SAMD14: variants seen among roughly 807,000 people sequenced by gnomAD.
SAMD14 encodes sterile alpha motif domain containing 14.
SAMD14 carries 27 observed loss-of-function variants against 46.2 expected under a neutral mutation model. The ratio of observed to expected loss-of-function variants is 0.58; its 90% CI spans 0.43 to 0.81. SAMD14 has a LOEUF of 0.81. Among genes scored for constraint, SAMD14 ranks in the 30% least tolerant of loss-of-function variants. The pLI is 0.00. For synonymous variants in SAMD14, 241 were observed against 254.3 expected (o/e 0.95, Z 0.50); for missense variants, 559 against 582.2 (o/e 0.96, Z 0.41).
intron 9 of SAMD14, chr17:50,113,622 A>G (rs561075043): frequency 9.5e-6 from 4 of 419,860 alleles, no homozygotes; most frequent in Non-Finnish European, 8.8e-6. Context: ...CAGGACACTC[A>G]TATGCATCAA....
intron 8 of SAMD14, 33 bp from the exon 9 acceptor site, chr17:50,114,112 C>A: frequency 6.2e-7 from 1 of 1,613,750 alleles, no homozygotes; most frequent in Non-Finnish European, 8.5e-7. Context: ...GAGGGGGAGG[C>A]TTGGCCTGTG....
chr17:50,127,959 G>T (rs1247469401), intron 1 of SAMD14, among the ~76,000 whole-genome samples: 1 of 152,140 alleles, frequency 6.6e-6, no homozygotes, highest in African/African-American at 2.4e-5. Flanking sequence ...ACTGGGAAAT[G>T]GGGAATTCTT....
At chr17:50,117,981 T>A in intron 3 of SAMD14, 180 bp downstream of exon 3, 1 of 733,868 alleles carries the variant, frequency 1.4e-6, no homozygotes, top group Non-Finnish European at 2.1e-6. Flanking sequence ...GCTAATAATA[T>A]CTTCTTTACA....
chr17:50,114,177 C>T lies in SAMD14; in HGVS notation c.942+10G>A. The T allele has an allele frequency of 6.2e-7, 1 of 1,614,128 alleles. No individual in the cohort carries two copies. The highest frequency in any genetic ancestry group is 8.5e-7 in the Non-Finnish European group (1 of 1,180,034). On this transcript the variant is annotated intron_variant, in intron 8 of 9. Transcript: ENST00000330175. ...GGACTCCGTGGGCACCCTGGGCCAG[C>T]CTTGCTCACCTCATCTGAAGACTGA... is the stretch of plus-strand genomic sequence containing the variant.
In SAMD14 at chr17:50,112,936, C is replaced by T. The variant is rs747590081; in HGVS notation, c.1211G>A (p.Arg404Gln). The change falls in exon 10 of 10, where the codon CGG (arginine) becomes CAG (glutamine). Residue 404 changes from arginine (R) to glutamine (Q), a missense_variant. Coordinates refer to ENST00000330175, the MANE Select transcript of SAMD14 (RefSeq NM_001257359.2). ...RKAQEKAARQ[R>Q]EKLRRREQEA... is the part of the protein sequence containing the mutation. ...CTGCTCTCGGCGCCGGAGCTTCTCCCGCTGCCGCGCAGCCTTCTCCTGGGC... is the reference window on the plus strand; with the variant it reads ...CTGCTCTCGGCGCCGGAGCTTCTCCTGCTGCCGCGCAGCCTTCTCCTGGGC... 41 of 1,608,882 alleles carry T rather than the reference C, an allele frequency of 2.5e-5. No homozygotes were observed. The highest frequency in any genetic ancestry group is 6.7e-5 in the East Asian group (3 of 44,886).
In SAMD14 at chr17:50,115,248, C is replaced by T. The variant is rs2144395045; in HGVS notation, c.822+316G>A. On this transcript the variant is annotated intron_variant, in intron 7 of 9. Transcript: ENST00000330175. This position sits in a 1 kb window ranked among gnomAD's most constrained non-coding sequence, Gnocchi z 5.3. ...TCCTCACACAGGAGTGGGGTTAGAA[C>T]TTAACCAGGCAGAAGAGTTAGCAGG... 6.6e-6 allele frequency among the ~76,000 whole-genome samples: 1 copy of T among 152,278 alleles called. No homozygotes were observed. The highest frequency in any genetic ancestry group is 1.5e-5 in the Non-Finnish European group (1 of 68,026).
intron 2 of SAMD14, chr17:50,124,118 G>A (rs748367614): frequency 4.6e-5 from 21 of 456,058 alleles, no homozygotes; most frequent in Non-Finnish European, 6.2e-5. Context: ...CTTTGCTCAG[G>A]ACTCCTCCTG....
chr17:50,129,365 C>T lies in SAMD14; in HGVS notation c.-13+152G>A, dbSNP rs1411782979. ...CTATCTCCGCCCCCTCCCCTGACAG[C>T]CCGGCACCCCAGCCCCGTGCGGTCC... On this transcript the variant is annotated intron_variant, in intron 1 of 9. Transcript: ENST00000330175. The surrounding 1 kb of genome is among the most constrained non-coding windows in gnomAD (Gnocchi z 5.6). 6.6e-6 allele frequency among the ~76,000 whole-genome samples: 1 copy of T among 152,174 alleles called. No homozygotes were observed. Among genetic ancestry groups the T allele is most frequent in the Non-Finnish European group, 1.5e-5 (1 of 68,018 alleles).
chr17:50,114,012 C>G lies in SAMD14; in HGVS notation c.1010G>C (p.Ser337Thr), dbSNP rs1441492653. 6.2e-7 allele frequency: 1 copy of G among 1,613,556 alleles called. No homozygotes were observed. The highest frequency in any genetic ancestry group is 1.7e-5 in the Admixed American group (1 of 60,018). Reference protein sequence around the residue: ...TSQQVGQWLQSLNLEQYAAEF... With the variant: ...TSQQVGQWLQTLNLEQYAAEF... ...AGCAGCATACTGTTCCAGGTTGAGG[C>G]TCTGCAGCCACTGGCCCACCTGCTG... Residue 337 changes from serine to threonine, a missense_variant, in exon 9 of 10, where the codon AGC becomes ACC. Transcript: ENST00000330175.
chr17:50,124,776 C>T, intron 2 of SAMD14, 141 bp downstream of exon 2: 1 of 584,496 alleles, frequency 1.7e-6, no homozygotes. Context: ...CGCGCGCACA[C>T]ACACACACAC....
rs1310453180 is a variant in SAMD14, at chr17:50,118,271, G to A, written c.100C>T (p.Arg34Trp). 6 of 1,613,982 alleles carry A rather than the reference G, an allele frequency of 3.7e-6. No individual in the cohort carries two copies. The highest frequency in any genetic ancestry group is 1.1e-5 in the South Asian group (1 of 91,080). The change falls in exon 3 of 10, where the codon CGG (arginine) becomes TGG (tryptophan). Residue 34 changes from arginine (R) to tryptophan (W), a missense_variant. By Grantham distance (101) the Arg-to-Trp change is moderately radical. Transcript: ENST00000330175. ...ARLDSSLHKARAQLLAKGRRH... is the reference protein window; with the variant it reads ...ARLDSSLHKAWAQLLAKGRRH... Reference sequence around the variant, plus strand: ...CGGCCCTTGGCCAACAGTTGGGCCCGGGCCTTGTGTAAACTGCTGTCCAGT... The same window carrying A: ...CGGCCCTTGGCCAACAGTTGGGCCCAGGCCTTGTGTAAACTGCTGTCCAGT...
At chr17:50,113,143 G>A in intron 9 of SAMD14, 95 bp from the exon 10 acceptor site, 1 of 1,449,786 alleles carries the variant, frequency 6.9e-7, no homozygotes, top group South Asian at 1.3e-5. Context: ...TGTACTCTGT[G>A]GAGCTCCAAA....
rs2144381777 is a variant in SAMD14, at chr17:50,110,686, T to C, written c.*2207A>G. On this transcript the variant is annotated 3_prime_UTR_variant, in exon 10 of 10. Coordinates refer to ENST00000330175, the MANE Select transcript of SAMD14 (RefSeq NM_001257359.2). The stretch of plus-strand genomic sequence containing the variant: ...GGGTGGCTCTCACAGGGCCCAACTC[T>C]AAAGTGGAAGAACCTTGTTAGACCG... 6.6e-6 allele frequency: 1 copy of C among 152,266 alleles called. No homozygotes were observed. Among genetic ancestry groups the C allele is most frequent in the South Asian group, 2.1e-4 (1 of 4,826 alleles). 9.4% of individuals were successfully genotyped at this position (152,266 alleles called of 1,614,324 possible).
intron 9 of SAMD14, 156 bp downstream of exon 9, chr17:50,113,768 C>G (rs940795402): frequency 1.3e-6 from 1 of 763,862 alleles, no homozygotes; most frequent in Non-Finnish European, 2.1e-6. Flanking sequence ...AGGACCTTGC[C>G]TAGAGGTCAG....
rs756569711 is a variant in SAMD14, at chr17:50,114,358, A to G, written c.823-52T>C. 112 of 1,613,682 alleles carry G rather than the reference A, an allele frequency of 6.9e-5. No individual in the cohort carries two copies. Among genetic ancestry groups the G allele is most frequent in the Non-Finnish European group, 9.2e-5 (109 of 1,179,932 alleles). On this transcript the variant is annotated intron_variant, in intron 7 of 9. Coordinates refer to ENST00000330175, the MANE Select transcript of SAMD14 (RefSeq NM_001257359.2). ...GAGGAGAGTTCACCCCCAACCCACCATCCCTATCTGGGTGGAGCCGAAGTC... is the reference window on the plus strand; with the variant it reads ...GAGGAGAGTTCACCCCCAACCCACCGTCCCTATCTGGGTGGAGCCGAAGTC...
chr17:50,124,763 G>GCGCACGCGCACA (rs57385248), intron 2 of SAMD14, among the ~76,000 whole-genome samples, 154 bp downstream of exon 2: 1 of 106,692 alleles, frequency 9.4e-6, no homozygotes, highest in African/African-American at 3.3e-5. Flanking sequence ...ACGCGTGCAC[G>GCGCACGCGCACA]CGCGCGCGCA....
rs201365901 is a variant in SAMD14, at chr17:50,115,946, T to C, written c.588-42A>G. On this transcript the variant is annotated intron_variant, in intron 5 of 9. Coordinates refer to ENST00000330175, the MANE Select transcript of SAMD14 (RefSeq NM_001257359.2). The surrounding 1 kb of genome is among the most constrained non-coding windows in gnomAD (Gnocchi z 5.3). Reference sequence around the variant, plus strand: ...GGAAGTGGGGCAGGGCTGCCCACTGTGCTACCCCTTACCCCAGCAGCTCCA... The same window carrying C: ...GGAAGTGGGGCAGGGCTGCCCACTGCGCTACCCCTTACCCCAGCAGCTCCA... 1.8e-5 allele frequency: 29 copies of C among 1,613,306 alleles called. No homozygotes were observed.
chr17:50,114,067 G>A lies in SAMD14; in HGVS notation c.955C>T (p.Pro319Ser), dbSNP rs1485422337. The A allele has an allele frequency of 6.2e-7, 1 of 1,613,504 alleles. No individual in the cohort carries two copies. Among genetic ancestry groups the A allele is most frequent in the South Asian group, 1.1e-5 (1 of 91,090 alleles). ...GTCCAGTGGTGGACAGGGGGGAGGG[G>A]TTCATCCAGGAACTGGGCAGAGACC... ...SQSSDEFLDE[P>S]LPPVHHWTSQ... The change falls in exon 9 of 10, where the codon CCC becomes TCC. Residue 319 changes from proline to serine, a missense_variant. Pro to Ser is a moderately conservative substitution (Grantham distance 74, BLOSUM62 -1). Transcript: ENST00000330175.
chr17:50,116,737 A>G (rs1911228698), intron 4 of SAMD14, among the ~76,000 whole-genome samples: 1 of 151,948 alleles, frequency 6.6e-6, no homozygotes, highest in Non-Finnish European at 1.5e-5. Context: ...CAACCTTCCA[A>G]ACTTGGCTCA....
Sources: allele counts gnomAD v4.1 joint callset (sites outside exome capture counted in the v4.1 genomes callset), GRCh38; gene constraint gnomAD v4.1.1; non-coding constraint Gnocchi (gnomAD v3.1); transcripts MANE v1.5; gene names NCBI Gene and HGNC (gene_info 2026-07-23, HGNC 2026-07-21).